Variants in SNTG1 observed in about 807,000 individuals in gnomAD.
SNTG1 encodes syntrophin gamma 1, also known as gamma-1-syntrophin.
In SNTG1, 39 loss-of-function variants were observed where a neutral mutation model predicts 74.7. The ratio of observed to expected loss-of-function variants is 0.52; its 90% CI spans 0.40 to 0.68. The LOEUF is 0.68. Among genes scored for constraint, SNTG1 ranks in the 30% least tolerant of loss-of-function variants. SNTG1 has a pLI of 0.00. For missense variants in SNTG1, 685 were observed against 609.5 expected, an observed-to-expected ratio of 1.12 and a Z score of -1.30; for synonymous variants, 254 against 217.1, an observed-to-expected ratio of 1.17 and a Z score of -1.49.
chr8:50,298,138 A>G (rs1008314218), intron 2 of SNTG1, among the ~76,000 whole-genome samples: 1 of 152,002 alleles, frequency 6.6e-6, no homozygotes, highest in Non-Finnish European at 1.5e-5. Flanking sequence ...CGGCAATGAA[A>G]CTTTTCTTAT....
chr8:50,506,774 T>C (rs931853873), intron 9 of SNTG1, among the ~76,000 whole-genome samples: 3 of 152,088 alleles, frequency 2.0e-5, no homozygotes, highest in African/African-American at 7.2e-5. Flanking sequence ...ATTTTACTTC[T>C]TCATTTGAAT....
chr8:49,987,723 A>C (rs2130257861), intron 1 of SNTG1, among the ~76,000 whole-genome samples: 1 of 132,606 alleles, frequency 7.5e-6, no homozygotes, highest in South Asian at 2.3e-4. Flanking sequence ...ATCTCGGCTT[A>C]CTGCAACCTC....
intron 13 of SNTG1, among the ~76,000 whole-genome samples, chr8:50,621,288 C>T (rs2094921795): frequency 6.6e-6 from 1 of 152,134 alleles, no homozygotes; most frequent in African/African-American, 2.4e-5. Context: ...GCAAGATAAA[C>T]AGATTATTCC....
At chr8:50,483,494 T>C in intron 8 of SNTG1, among the ~76,000 whole-genome samples, 1 of 152,184 alleles carries the variant, frequency 6.6e-6, no homozygotes, top group East Asian at 1.9e-4. Flanking sequence ...TCAGTCATCA[T>C]GAAAGTGCTA....
At chr8:50,479,961 A>C (rs1471602992) in intron 8 of SNTG1, among the ~76,000 whole-genome samples, 1 of 152,182 alleles carries the variant, frequency 6.6e-6, no homozygotes, top group African/African-American at 2.4e-5. Context: ...GATTAGGATA[A>C]TAAATTGGAT....
intron 1 of SNTG1, among the ~76,000 whole-genome samples, chr8:50,137,626 A>G (rs1486103602): frequency 2.0e-5 from 3 of 152,180 alleles, no homozygotes; most frequent in African/African-American, 7.2e-5. Flanking sequence ...ACAGTGTGCT[A>G]TTTCACCTAG....
chr8:50,368,741 C>T (rs1397181976), intron 2 of SNTG1, among the ~76,000 whole-genome samples: 1 of 152,128 alleles, frequency 6.6e-6, no homozygotes, highest in East Asian at 1.9e-4. Flanking sequence ...CCTACACCCT[C>T]CTTAACAGGA....
chr8:50,713,342 T>A (rs1429307338), intron 17 of SNTG1, among the ~76,000 whole-genome samples: 1 of 152,190 alleles, frequency 6.6e-6, no homozygotes, highest in African/African-American at 2.4e-5. Flanking sequence ...CACTTTTTGA[T>A]GGGGTTGTTT....
chr8:49,951,847 C>G (rs1416827464), intron 1 of SNTG1, among the ~76,000 whole-genome samples: 2 of 79,188 alleles, frequency 2.5e-5, no homozygotes, highest in East Asian at 7.3e-4. Flanking sequence ...TAGAAATCGA[C>G]AACAGAAGGA....
At chr8:50,391,710 T>C (rs1204109015) in intron 2 of SNTG1, among the ~76,000 whole-genome samples, 2 of 152,138 alleles carry the variant, frequency 1.3e-5, no homozygotes, top group African/African-American at 2.4e-5. Flanking sequence ...CTGGATTTTT[T>C]TGGTTGGTAG....
intron 12 of SNTG1, among the ~76,000 whole-genome samples, chr8:50,588,258 A>C (rs2094667211): frequency 6.6e-6 from 1 of 152,212 alleles, no homozygotes; most frequent in Non-Finnish European, 1.5e-5. Context: ...GGAAAGATGG[A>C]AATTATCTTT....
chr8:50,090,405 T>C (rs1188813612), intron 1 of SNTG1, among the ~76,000 whole-genome samples: 2 of 152,156 alleles, frequency 1.3e-5, no homozygotes, highest in Non-Finnish European at 2.9e-5. Context: ...GGATTGGTTT[T>C]CATGCAAGAC....
intron 2 of SNTG1, among the ~76,000 whole-genome samples, chr8:50,355,977 A>G (rs2091805857): frequency 1.3e-5 from 2 of 152,234 alleles, no homozygotes; most frequent in South Asian, 2.1e-4. Flanking sequence ...CCCATGTAAT[A>G]TTGTCACAGC....
chr8:50,737,364 A>C (rs916115925), intron 17 of SNTG1, among the ~76,000 whole-genome samples: 1 of 152,142 alleles, frequency 6.6e-6, no homozygotes, highest in Non-Finnish European at 1.5e-5. Flanking sequence ...ACCAGGAAGA[A>C]GTCAAATCCC....
chr8:49,950,531 G>T (rs915972748), intron 1 of SNTG1, among the ~76,000 whole-genome samples: 1 of 151,978 alleles, frequency 6.6e-6, no homozygotes, highest in Non-Finnish European at 1.5e-5. Context: ...CCAGTATTTT[G>T]TCATACTAAT....
intron 5 of SNTG1, among the ~76,000 whole-genome samples, chr8:50,440,212 A>G (rs73581399): frequency 0.028 from 4,228 of 152,016 alleles, 186 homozygotes; most frequent in African/African-American, 0.095. Context: ...AACAAAAAAG[A>G]ACTTTTTGCA....
In SNTG1 at chr8:50,313,409, T is replaced by C. The variant is rs964714834; in HGVS notation, c.-27-80803T>C. 6.0e-5 allele frequency among the ~76,000 whole-genome samples: 9 copies of C among 149,680 alleles called. 1 individual carries two copies. The highest frequency in any genetic ancestry group is 1.7e-4 in the African/African-American group (7 of 40,078). ...TAGATAGAGAAAAATATTTGCAAAT[T>C]GTATGCTGATAAGGGGTTAATATTC... On this transcript the variant is annotated intron_variant, in intron 2 of 18. Transcript: ENST00000642720.
intron 1 of SNTG1, among the ~76,000 whole-genome samples, chr8:50,040,044 G>A (rs1218064929): frequency 6.6e-6 from 1 of 152,130 alleles, no homozygotes; most frequent in Non-Finnish European, 1.5e-5. Flanking sequence ...TGAGAACTAA[G>A]ATGAGTCATG....
intron 1 of SNTG1, among the ~76,000 whole-genome samples, chr8:50,099,678 G>C (rs1586264393): frequency 6.6e-6 from 1 of 151,998 alleles, no homozygotes; most frequent in East Asian, 1.9e-4. Flanking sequence ...GTGATAATAG[G>C]CATTCTAATC....
Sources: gnomAD v4.1 joint callset for allele counts (sites outside exome capture counted in the v4.1 genomes callset) on GRCh38, gnomAD v4.1.1 for gene constraint, MANE v1.5 for transcripts, NCBI Gene and HGNC (gene_info 2026-07-23, HGNC 2026-07-21) for gene names.